TBC1D31: variants seen among roughly 807,000 people sequenced by gnomAD.
The protein encoded by TBC1D31 is TBC1 domain family member 31, also known as WD repeat domain 67.
In TBC1D31, 99 loss-of-function variants were observed where a neutral mutation model predicts 132.9. The observed-to-expected ratio is 0.74, with a 90% CI of 0.63 to 0.88. TBC1D31 has a LOEUF of 0.88. Among genes scored for constraint, TBC1D31 ranks in the 40% least tolerant of loss-of-function variants. TBC1D31 has a pLI of 0.00. For synonymous variants in TBC1D31, 385 were observed against 419.4 expected, an observed-to-expected ratio of 0.92 and a Z score of 1.00; for missense variants, 1,134 against 1,256.6, an observed-to-expected ratio of 0.90 and a Z score of 1.48.
chr8:123,086,398 C>G (rs927568794), intron 4 of TBC1D31, among the ~76,000 whole-genome samples: 1 of 152,188 alleles, frequency 6.6e-6, no homozygotes, highest in African/African-American at 2.4e-5. Context: ...CACAAAGACA[C>G]GGGGTCTGGA....
At chr8:123,077,675 G>A (rs1814683799) in intron 2 of TBC1D31, among the ~76,000 whole-genome samples, 1 of 151,980 alleles carries the variant, frequency 6.6e-6, no homozygotes, top group Non-Finnish European at 1.5e-5. Context: ...TCAATTTCTG[G>A]TACATCATGA....
At chr8:123,130,697 G>T (rs1424733951) in intron 16 of TBC1D31, among the ~76,000 whole-genome samples, 1 of 149,120 alleles carries the variant, frequency 6.7e-6, no homozygotes, top group East Asian at 2.0e-4. Flanking sequence ...CCTCAGCTCA[G>T]TGCAACCTCC....
intron 13 of TBC1D31, 85 bp from the exon 14 acceptor site, chr8:123,128,196 C>A: frequency 1.5e-6 from 1 of 680,978 alleles, no homozygotes; most frequent in Non-Finnish European, 2.5e-6. Flanking sequence ...AAGATAGATA[C>A]ACTTTTTTTA....
At position 123,126,043 on chromosome 8, in the gene TBC1D31, T is replaced by C; in HGVS notation, c.1571-13T>C. ...GATATTTAAAGATATGTTTTCTTTT[T>C]TTTCCTTCATAGTCAATTGGTGTCA... On this transcript the variant is annotated splice_polypyrimidine_tract_variant and intron_variant, in intron 11 of 21. Coordinates refer to ENST00000287380, the MANE Select transcript of TBC1D31 (RefSeq NM_145647.4). The C allele has an allele frequency of 6.4e-7, 1 of 1,565,848 alleles. No homozygotes were observed. The highest frequency in any genetic ancestry group is 8.6e-7 in the Non-Finnish European group (1 of 1,159,458).
At position 123,138,339 on chromosome 8, in the gene TBC1D31, A is replaced by T. The variant is rs529735380; in HGVS notation, c.2500-2422A>T. Among the ~76,000 whole-genome samples, 36 of 152,294 alleles carry T rather than the reference A, an allele frequency of 2.4e-4. No homozygotes were observed. In the South Asian group the frequency reaches 6.8e-3, roughly 29 times the overall value. On this transcript the variant is annotated intron_variant, in intron 17 of 21. Coordinates refer to ENST00000287380, the MANE Select transcript of TBC1D31 (RefSeq NM_145647.4). ...AATTTTTGATAATAAGCATCTTCACATATATATCTTTTTGCATATAATTGA... is the reference window on the plus strand; with the variant it reads ...AATTTTTGATAATAAGCATCTTCACTTATATATCTTTTTGCATATAATTGA...
chr8:123,113,213 G>A (rs1257467966), intron 10 of TBC1D31, among the ~76,000 whole-genome samples: 1 of 152,048 alleles, frequency 6.6e-6, no homozygotes, highest in Non-Finnish European at 1.5e-5. Flanking sequence ...AACTGTTTAA[G>A]GTATCTAAAA....
chr8:123,073,246 A>G (rs1384745189), intron 1 of TBC1D31: 4 of 468,870 alleles, frequency 8.5e-6, no homozygotes, highest in South Asian at 4.7e-5. Flanking sequence ...GTGGAAGAGC[A>G]GGACAATTCT....
chr8:123,160,942 A>G, the TBC1D31 span, among the ~76,000 whole-genome samples: 1 of 152,116 alleles, frequency 6.6e-6, no homozygotes, highest in Non-Finnish European at 1.5e-5. Context: ...TCCCGGCAGG[A>G]GCGGAGACTC....
rs747229872 is a variant in TBC1D31 at position 123,077,179 on chromosome 8, C to T, written c.146C>T (p.Ala49Val). 9.9e-6 allele frequency: 16 copies of T among 1,612,938 alleles called. No individual in the cohort carries two copies. The Admixed American group carries it at 1.7e-4, about 17-fold the overall frequency. ...HPKVLRFLNV[A>V]FDGTGDCLIA... ...AAAGTTTTGCGATTTTTGAATGTGG[C>T]TTTTGATGGCACAGGCGACTGCTTA... Residue 49 changes from alanine to valine, a missense_variant, in exon 2 of 22, where the codon GCT (alanine) becomes GTT (valine). By Grantham distance (64) the Ala-to-Val change is moderately conservative. Coordinates refer to ENST00000287380, the MANE Select transcript of TBC1D31 (RefSeq NM_145647.4).
At chr8:123,082,303 T>C (rs1815249509) in intron 2 of TBC1D31, among the ~76,000 whole-genome samples, 1 of 151,996 alleles carries the variant, frequency 6.6e-6, no homozygotes. Context: ...GATTCCCTCT[T>C]CTTCACTCCA....
rs139890825 is a variant in TBC1D31 at position 123,144,160 on chromosome 8, T to A, written c.2836-557T>A. Among the ~76,000 whole-genome samples the A allele has an allele frequency of 2.6e-5, 4 of 152,366 alleles. No individual in the cohort carries two copies. The East Asian group carries it at 7.7e-4, about 29-fold the overall frequency. On this transcript the variant is annotated intron_variant, in intron 19 of 21. Coordinates refer to ENST00000287380, the MANE Select transcript of TBC1D31 (RefSeq NM_145647.4). ...GTAAAAGCTGTAGCTTTTCCAGAAT[T>A]TCGGCAAACTTTAGGAGTTGGATTT...
intron 4 of TBC1D31, among the ~76,000 whole-genome samples, chr8:123,089,314 A>G (rs1241989842): frequency 6.6e-6 from 1 of 152,214 alleles, no homozygotes; most frequent in Non-Finnish European, 1.5e-5. Context: ...GTGATAATCT[A>G]TGCAAAGTTA....
At chr8:123,107,653 T>A (rs1286144539) in intron 8 of TBC1D31, among the ~76,000 whole-genome samples, 1 of 152,200 alleles carries the variant, frequency 6.6e-6, no homozygotes, top group Non-Finnish European at 1.5e-5. Flanking sequence ...GGAATGGTCA[T>A]GAGCAACTTT....
At chr8:123,104,391 T>G (rs933929429) in intron 7 of TBC1D31, among the ~76,000 whole-genome samples, 4 of 152,138 alleles carry the variant, frequency 2.6e-5, no homozygotes, top group Non-Finnish European at 4.4e-5. Flanking sequence ...TTAATAAAAA[T>G]TTAGAAGAAT....
chr8:123,137,660 G>A (rs139455256), intron 17 of TBC1D31, among the ~76,000 whole-genome samples: 9 of 152,348 alleles, frequency 5.9e-5, no homozygotes, highest in Non-Finnish European at 1.0e-4. Context: ...ATATGTGGCT[G>A]ACTTTAGTTA....
downstream of TBC1D31, among the ~76,000 whole-genome samples, chr8:123,156,521 G>C (rs1822993836): frequency 6.6e-6 from 1 of 152,016 alleles, no homozygotes; most frequent in Non-Finnish European, 1.5e-5. Flanking sequence ...TGAAGGGCTG[G>C]TTATAGCTAT....
In TBC1D31 at chr8:123,151,873, T is replaced by A; in HGVS notation, c.3135T>A (p.Asn1045Lys). 1 of 1,592,600 alleles carries A rather than the reference T, an allele frequency of 6.3e-7. No individual in the cohort carries two copies. Among genetic ancestry groups the A allele is most frequent in the Non-Finnish European group, 8.5e-7 (1 of 1,173,002 alleles). ...TGQNLIKKVRNLRQRLTARAR... is the reference protein window; with the variant it reads ...TGQNLIKKVRKLRQRLTARAR... Reference sequence around the variant, plus strand: ...AGAATCTTATTAAGAAAGTGAGAAATCTTCGCCAGAGACTCACTGCCCGGG... The same window carrying A: ...AGAATCTTATTAAGAAAGTGAGAAAACTTCGCCAGAGACTCACTGCCCGGG... The change falls in exon 22 of 22, where the codon AAT (asparagine) becomes AAA (lysine). Residue 1045 changes from asparagine (N) to lysine (K), a missense_variant. Coordinates refer to ENST00000287380, the MANE Select transcript of TBC1D31 (RefSeq NM_145647.4).
At chr8:123,139,353 C>T (rs547481911) in intron 17 of TBC1D31, among the ~76,000 whole-genome samples, 203 of 152,262 alleles carry the variant, frequency 1.3e-3, no homozygotes, top group African/African-American at 4.7e-3. Context: ...GTCTCCCCTC[C>T]CCAGGGTTTC....
At chr8:123,096,847 C>T (rs980064805) in intron 5 of TBC1D31, among the ~76,000 whole-genome samples, 1 of 152,074 alleles carries the variant, frequency 6.6e-6, no homozygotes, top group Non-Finnish European at 1.5e-5. Flanking sequence ...AAAGTTTGGG[C>T]TGTTTTGTTT....
Sources: gnomAD v4.1 joint callset for allele counts (sites outside exome capture counted in the v4.1 genomes callset) on GRCh38, gnomAD v4.1.1 for gene constraint, MANE v1.5 for transcripts, NCBI Gene and HGNC (gene_info 2026-07-23, HGNC 2026-07-21) for gene names.